FBXO11: variants seen among roughly 807,000 people sequenced by gnomAD.
The protein encoded by FBXO11 is F-box protein 11.
A neutral mutation model predicts 117.0 loss-of-function variants in FBXO11; 13 were observed. That is an observed-to-expected ratio of 0.11 (90% CI 0.07 to 0.18). The LOEUF (loss-of-function observed/expected upper bound fraction) is 0.18. Ranked by LOEUF, FBXO11 falls within the 10% of genes least tolerant of loss-of-function variation. The pLI is 1.00. For synonymous variants in FBXO11, 490 were observed against 380.5 expected, an observed-to-expected ratio of 1.29 and a Z score of -3.35; for missense variants, 767 against 1,164.4, an observed-to-expected ratio of 0.66 and a Z score of 4.97.
intron 1 of FBXO11, among the ~76,000 whole-genome samples, chr2:47,870,640 C>G (rs973616067): frequency 6.6e-6 from 1 of 152,184 alleles, no homozygotes; most frequent in Non-Finnish European, 1.5e-5. Flanking sequence ...CCCAGATTCT[C>G]AAAGAATCAT....
intron 1 of FBXO11, among the ~76,000 whole-genome samples, chr2:47,867,769 GTAGA>G (rs1177564802): frequency 6.6e-6 from 1 of 152,004 alleles, no homozygotes; most frequent in African/African-American, 2.4e-5. Context: ...TGTTATCTAT[GTAGA>G]CATGGATACA....
intron 1 of FBXO11, among the ~76,000 whole-genome samples, chr2:47,861,481 G>A (rs1053473087): frequency 3.3e-5 from 5 of 151,998 alleles, no homozygotes; most frequent in Non-Finnish European, 7.4e-5. Flanking sequence ...ACCATGCCCA[G>A]CTAATTAAAA....
intron 1 of FBXO11, among the ~76,000 whole-genome samples, chr2:47,866,834 C>G (rs1675237847): frequency 1.3e-5 from 2 of 152,156 alleles, no homozygotes; most frequent in African/African-American, 4.8e-5. Context: ...AATACCCACC[C>G]TCCAAACATA....
Position 47,906,109 on chromosome 2 carries a change from C to T in FBXO11, c.-389G>A, listed in dbSNP as rs2104147372. 4.6e-6 allele frequency: 1 copy of T among 217,064 alleles called. No individual in the cohort carries two copies. Among genetic ancestry groups the T allele is most frequent in the Non-Finnish European group, 9.1e-6 (1 of 109,706 alleles). The allele number at this position is 217,064 out of a possible 1,614,324, so 13.4% of individuals were successfully genotyped here. On this transcript the variant is annotated 5_prime_UTR_variant, in exon 1 of 23. Coordinates refer to ENST00000403359, the MANE Select transcript of FBXO11 (RefSeq NM_001190274.2). ...GGCGGCTGAAGAGACAGATCCCGGT[C>T]CCGCCGACTCGCGAGCGGCGTCTCC...
At chr2:47,899,085 T>C (rs1217130004) in intron 1 of FBXO11, among the ~76,000 whole-genome samples, 1 of 151,868 alleles carries the variant, frequency 6.6e-6, no homozygotes, top group Non-Finnish European at 1.5e-5. Context: ...CCATCCTGGC[T>C]AACATGGTGA....
intron 1 of FBXO11, among the ~76,000 whole-genome samples, chr2:47,876,196 T>C (rs1048079318): frequency 3.0e-5 from 4 of 131,266 alleles, no homozygotes; most frequent in Non-Finnish European, 5.5e-5. Flanking sequence ...TCTCTTTTTG[T>C]GCTACTTTTT....
chr2:47,836,789 CT>C (rs2104839106), intron 4 of FBXO11, among the ~76,000 whole-genome samples: 1 of 152,222 alleles, frequency 6.6e-6, no homozygotes, highest in Non-Finnish European at 1.5e-5. Context: ...AATTTTCTTT[CT>C]TTTTCTTTTT....
chr2:47,876,916 ATT>A (rs201043620), intron 1 of FBXO11, among the ~76,000 whole-genome samples: 211 of 147,720 alleles, frequency 1.4e-3, no homozygotes, highest in South Asian at 4.5e-3. Flanking sequence ...ATCTATATTC[ATT>A]TTTTTTTTTC....
intron 18 of FBXO11, 57 bp downstream of exon 18, chr2:47,813,177 A>C: frequency 6.6e-7 from 1 of 1,507,416 alleles, no homozygotes. Context: ...ATCATTAAAG[A>C]TATGGAAGAA....
chr2:47,866,083 T>C (rs938456471), intron 1 of FBXO11, among the ~76,000 whole-genome samples: 3 of 151,476 alleles, frequency 2.0e-5, no homozygotes, highest in East Asian at 3.9e-4. Flanking sequence ...AAGACTCCCA[T>C]CTCTACCGAA....
chr2:47,819,198 G>A, intron 14 of FBXO11, 120 bp from the exon 15 acceptor site: 1 of 852,090 alleles, frequency 1.2e-6, no homozygotes, highest in South Asian at 1.8e-5. Flanking sequence ...TCCGAGTAAG[G>A]AGGTAATGGC....
chr2:47,815,579 G>A (rs1001506996), intron 16 of FBXO11, among the ~76,000 whole-genome samples: 1 of 152,188 alleles, frequency 6.6e-6, no homozygotes, highest in East Asian at 1.9e-4. Flanking sequence ...AATGAGCCCT[G>A]ACAGCAGGTC....
intron 14 of FBXO11, 34 bp from the exon 15 acceptor site, chr2:47,819,112 C>G: frequency 6.2e-7 from 1 of 1,601,222 alleles, no homozygotes; most frequent in Non-Finnish European, 8.5e-7. Flanking sequence ...TAATATTTAT[C>G]TTCTATAAGC....
chr2:47,833,150 AAAAAC>A, intron 7 of FBXO11, 80 bp from the exon 8 acceptor site: 6 of 887,468 alleles, frequency 6.8e-6, no homozygotes, highest in South Asian at 1.4e-5. Context: ...GGAACTTACT[AAAAAC>A]ATTAGTACTG....
At chr2:47,823,384 T>G in intron 11 of FBXO11, 24 bp from the exon 12 acceptor site, 3 of 1,528,956 alleles carry the variant, frequency 2.0e-6, no homozygotes. Context: ...AAATTAAATC[T>G]GTAGGTAAAG....
rs371899831 is a variant in FBXO11 at position 47,905,252 on chromosome 2, C to G, written c.232+237G>C. 1.7e-3 allele frequency: 459 copies of G among 278,180 alleles called. 2 individuals are homozygous for G. Among genetic ancestry groups the G allele is most frequent in the African/African-American group, 9.1e-3 (409 of 45,134 alleles). The allele number at this position is 278,180 out of a possible 1,614,324, so 17.2% of individuals were successfully genotyped here. The stretch of plus-strand genomic sequence containing the variant: ...GTGGAGGGTGCTGAGCCCCCGAAAC[C>G]AAACAAAGCGCGGCCTGAGCGAGAG... On this transcript the variant is annotated intron_variant, in intron 1 of 22. Coordinates refer to ENST00000403359, the MANE Select transcript of FBXO11 (RefSeq NM_001190274.2).
chr2:47,890,638 T>C (rs1183684372), intron 1 of FBXO11, among the ~76,000 whole-genome samples: 1 of 151,870 alleles, frequency 6.6e-6, no homozygotes, highest in Non-Finnish European at 1.5e-5. Flanking sequence ...ACCCCATCTC[T>C]ACTAAAAATA....
intron 16 of FBXO11, chr2:47,814,429 G>C (rs1670864924): frequency 6.8e-6 from 1 of 146,486 alleles, no homozygotes; most frequent in African/African-American, 2.6e-5. Context: ...CCAGGCTGGA[G>C]TTGCAGTGGC....
intron 11 of FBXO11, among the ~76,000 whole-genome samples, chr2:47,826,298 C>T (rs1671752227): frequency 6.6e-6 from 1 of 152,114 alleles, no homozygotes; most frequent in Non-Finnish European, 1.5e-5. Flanking sequence ...ACCTCGTGAT[C>T]CACCCGCCTC....
Sources: allele counts gnomAD v4.1 joint callset (sites outside exome capture counted in the v4.1 genomes callset), GRCh38; gene constraint gnomAD v4.1.1; transcripts MANE v1.5; gene names NCBI Gene and HGNC (gene_info 2026-07-23, HGNC 2026-07-21).